Variants in TNFAIP8 observed in about 807,000 individuals in gnomAD.
TNFAIP8 encodes the protein TNF alpha induced protein 8, also known as tumor necrosis factor alpha-induced protein 8.
A neutral mutation model predicts 13.3 loss-of-function variants in TNFAIP8; 7 were observed. That is an observed-to-expected ratio of 0.52 (90% confidence interval 0.30 to 0.99). TNFAIP8 has a LOEUF of 0.99. Ranked by LOEUF, TNFAIP8 falls within the 50% of genes least tolerant of loss-of-function variation. TNFAIP8 has a pLI of 0.07. For synonymous variants in TNFAIP8, 94 were observed against 87.6 expected (o/e 1.07, Z -0.41); for missense variants, 258 against 236.9 (o/e 1.09, Z -0.58).
intron 1 of TNFAIP8, among the ~76,000 whole-genome samples, chr5:119,361,043 A>G (rs1270867030): frequency 1.3e-5 from 2 of 151,994 alleles, no homozygotes; most frequent in African/African-American, 4.8e-5. Flanking sequence ...GGGTACAGAC[A>G]CTCTTCCTTG....
At chr5:119,316,461 C>A (rs1048732714) in intron 1 of TNFAIP8, among the ~76,000 whole-genome samples, 2 of 152,184 alleles carry the variant, frequency 1.3e-5, no homozygotes, top group African/African-American at 4.8e-5. Context: ...ACCTGGCCTT[C>A]TCCACTTCTT....
chr5:119,283,589 C>T (rs1748696370), intron 1 of TNFAIP8, among the ~76,000 whole-genome samples: 1 of 152,198 alleles, frequency 6.6e-6, no homozygotes, highest in Admixed American at 6.5e-5. Context: ...CCAGGGAGAG[C>T]TTGCTGTAAG....
Position 119,356,039 on chromosome 5 carries a change from G to T in TNFAIP8, c.-52G>T, listed in dbSNP as rs1581637935. ...TCGCTGCAGAGCGAACTTGCGGCTCGTCCGAGTACATGTGAGCGGTAATCG... is the reference window on the plus strand; with the variant it reads ...TCGCTGCAGAGCGAACTTGCGGCTCTTCCGAGTACATGTGAGCGGTAATCG... On this transcript the variant is annotated 5_prime_UTR_variant, in exon 1 of 2. Coordinates refer to ENST00000504771, the MANE Select transcript of TNFAIP8 (RefSeq NM_014350.4). 6.5e-7 allele frequency: 1 copy of T among 1,542,872 alleles called. No homozygotes were observed. The highest frequency in any genetic ancestry group is 8.8e-7 in the Non-Finnish European group (1 of 1,141,678).
Position 119,276,703 on chromosome 5 carries a change from G to A in TNFAIP8, c.1+7796G>A, listed in dbSNP as rs559119056. Among the ~76,000 whole-genome samples, 5 of 152,206 alleles carry A rather than the reference G, an allele frequency of 3.3e-5. No individual in the cohort carries two copies. The East Asian group carries it at 9.6e-4, about 29-fold the overall frequency. On this transcript the variant is annotated intron_variant, in intron 1 of 1. Transcript: ENST00000274456. ...TGGTGTCTCTCCCTCTTCATAGAGTGCCAGTCATATTAGATTAGGGTCCCA... is the reference window on the plus strand; with the variant it reads ...TGGTGTCTCTCCCTCTTCATAGAGTACCAGTCATATTAGATTAGGGTCCCA...
intron 1 of TNFAIP8, among the ~76,000 whole-genome samples, chr5:119,368,427 C>T (rs1346130119): frequency 9.6e-6 from 1 of 104,504 alleles, no homozygotes; most frequent in African/African-American, 3.7e-5. Flanking sequence ...CTATTCTAAG[C>T]AGCGTGTGTG....
At chr5:119,325,910 A>G (rs1437050328) in intron 1 of TNFAIP8, among the ~76,000 whole-genome samples, 1 of 152,078 alleles carries the variant, frequency 6.6e-6, no homozygotes, top group Non-Finnish European at 1.5e-5. Flanking sequence ...CTTTCAGCAT[A>G]TACCTCCAAT....
intron 1 of TNFAIP8, among the ~76,000 whole-genome samples, chr5:119,294,349 A>T (rs1351118678): frequency 6.6e-6 from 1 of 152,072 alleles, no homozygotes; most frequent in Non-Finnish European, 1.5e-5. Context: ...TTCCAATTTC[A>T]TCCATGTCCC....
upstream of TNFAIP8, among the ~76,000 whole-genome samples, chr5:119,351,032 GTGT>G (rs1751118011): frequency 2.4e-5 from 3 of 127,152 alleles, no homozygotes; most frequent in African/African-American, 3.5e-5. Flanking sequence ...GTGTGTGTGT[GTGT>G]AGAGAGAGAG....
intron 1 of TNFAIP8, among the ~76,000 whole-genome samples, chr5:119,271,487 T>C (rs1748290487): frequency 6.6e-6 from 1 of 152,234 alleles, no homozygotes; most frequent in Non-Finnish European, 1.5e-5. Context: ...GAATGGTCCA[T>C]TCCTCACTGC....
chr5:119,298,580 G>A (rs1749255428), intron 1 of TNFAIP8, among the ~76,000 whole-genome samples: 1 of 151,674 alleles, frequency 6.6e-6, no homozygotes, highest in African/African-American at 2.4e-5. Flanking sequence ...TGACAATTAT[G>A]TGTCTTGGAG....
upstream of TNFAIP8, chr5:119,355,847 G>T (rs955275669): frequency 9.5e-7 from 1 of 1,051,842 alleles, no homozygotes; most frequent in Non-Finnish European, 1.2e-6. Flanking sequence ...CTGCCGGCCC[G>T]AGCGCGCGGC....
At position 119,298,627 on chromosome 5, in the gene TNFAIP8, G is replaced by A. The variant is rs201105525; in HGVS notation, c.1+29720G>A. Among the ~76,000 whole-genome samples the A allele has an allele frequency of 6.1e-3, 922 of 152,078 alleles. 9 individuals are homozygous for A. The highest frequency in any genetic ancestry group is 0.059 in the East Asian group (304 of 5,152). On this transcript the variant is annotated intron_variant, in intron 1 of 1. Coordinates refer to the TNFAIP8 transcript ENST00000274456. ...GAGGAGTATCTTTGTGGCATTCTCT[G>A]TATTTCCTGAATCTGAATGTTGGCC...
chr5:119,377,888 A>G (rs1388880160), intron 1 of TNFAIP8, among the ~76,000 whole-genome samples: 1 of 152,144 alleles, frequency 6.6e-6, no homozygotes, highest in Non-Finnish European at 1.5e-5. Flanking sequence ...TAAGGCAGTG[A>G]TTACCTACGC....
At chr5:119,300,606 A>G (rs34902535) in intron 1 of TNFAIP8, among the ~76,000 whole-genome samples, 8,491 of 152,186 alleles carry the variant, frequency 0.056, 521 homozygotes, top group African/African-American at 0.15. Context: ...TCTGTTTTCC[A>G]GTCTCATAAT....
At chr5:119,378,984 GC>G (rs757348386) in intron 1 of TNFAIP8, among the ~76,000 whole-genome samples, 4 of 152,136 alleles carry the variant, frequency 2.6e-5, no homozygotes, top group Non-Finnish European at 5.9e-5. Context: ...GATCTCTTGA[GC>G]CCAGGAGTTC....
intron 1 of TNFAIP8, among the ~76,000 whole-genome samples, chr5:119,335,670 A>G (rs922359810): frequency 6.6e-6 from 1 of 151,952 alleles, no homozygotes; most frequent in Admixed American, 6.6e-5. Context: ...TATTCAGCAA[A>G]TACTTCTTGA....
intron 1 of TNFAIP8, among the ~76,000 whole-genome samples, chr5:119,372,153 C>T (rs1752100856): frequency 6.6e-6 from 1 of 150,534 alleles, no homozygotes; most frequent in African/African-American, 2.4e-5. Flanking sequence ...AAAAAAAACC[C>T]ATCTCCACAA....
intron 1 of TNFAIP8, among the ~76,000 whole-genome samples, chr5:119,328,943 T>C (rs941924602): frequency 6.6e-6 from 1 of 152,264 alleles, no homozygotes; most frequent in Non-Finnish European, 1.5e-5. Context: ...AGCATATTTA[T>C]TGCAGCCAGC....
intron 1 of TNFAIP8, among the ~76,000 whole-genome samples, chr5:119,299,274 G>T (rs1749281633): frequency 6.6e-6 from 1 of 152,184 alleles, no homozygotes; most frequent in Admixed American, 6.5e-5. Context: ...GTGATGTACA[G>T]ATGGGTTTTT....
Sources: gnomAD v4.1 joint callset for allele counts (sites outside exome capture counted in the v4.1 genomes callset) on GRCh38, gnomAD v4.1.1 for gene constraint, MANE v1.5 for transcripts, NCBI Gene and HGNC (gene_info 2026-07-23, HGNC 2026-07-21) for gene names.